DPRX: variants seen among roughly 807,000 people sequenced by gnomAD.
DPRX encodes the protein divergent-paired related homeobox, also known as divergent paired-related homeobox.
Under a neutral mutation model 8.4 loss-of-function variants are expected in DPRX, and 11 were observed. That is an observed-to-expected ratio of 1.31 (90% CI 0.82 to 2.17). The LOEUF is 2.17. DPRX is among the 30% of genes most tolerant of loss of function. The pLI, the probability that DPRX is intolerant of heterozygous loss-of-function variation, is 0.00. For missense variants in DPRX, 211 were observed against 236.7 expected (o/e 0.89, Z 0.71); for synonymous variants, 72 against 87.0 (o/e 0.83, Z 0.96).
At chr19:53,618,432 A>G in the DPRX span, among the ~76,000 whole-genome samples, 3,034 of 151,868 alleles carry the variant, frequency 0.02, 43 homozygotes, top group Non-Finnish European at 0.03. Flanking sequence ...GTATGAAAGG[A>G]ACAGAAATAA....
upstream of DPRX, chr19:53,629,784 A>C (rs912807305): frequency 6.6e-6 from 1 of 151,560 alleles, no homozygotes; most frequent in African/African-American, 2.4e-5. Context: ...GCTTGAACCC[A>C]GGAGTTCTAG....
chr19:53,603,212 C>T, the DPRX span: 26 of 408,986 alleles, frequency 6.4e-5, no homozygotes, highest in Non-Finnish European at 1.1e-4. Context: ...CCACTGTGCC[C>T]GGCCAAAAGT....
At chr19:53,606,862 G>A in the DPRX span, 1 of 152,704 alleles carries the variant, frequency 6.5e-6, no homozygotes, top group African/African-American at 2.4e-5. The surrounding 1 kb of genome is among the most constrained non-coding windows in gnomAD (Gnocchi z 4.8). Flanking sequence ...CTGAGAACAG[G>A]GTAGCCTTTA....
Position 53,636,903 on chromosome 19 carries a change from AC to A in DPRX, c.495del (p.Ile166PhefsTer?), listed in dbSNP as rs1377395181. 3.7e-6 allele frequency: 6 copies of A among 1,613,732 alleles called. No homozygotes were observed. Among genetic ancestry groups the A allele is most frequent in the Non-Finnish European group, 5.1e-6 (6 of 1,179,904 alleles). Reference sequence around the variant, plus strand: ...CGAGATCCTAATATATACTGCCTCTACCCCATTTTGGAATCCCAAGTTTGCG... The same window carrying A: ...CGAGATCCTAATATATACTGCCTCTACCCATTTTGGAATCCCAAGTTTGCG... On this transcript the variant is annotated frameshift_variant, in exon 3 of 3. Transcript: ENST00000376650. LOFTEE classifies it low-confidence loss of function (END_TRUNC).
the DPRX span, among the ~76,000 whole-genome samples, chr19:53,620,970 G>A: frequency 5.9e-5 from 9 of 152,112 alleles, no homozygotes; most frequent in Admixed American, 1.3e-4. Context: ...TGTATGGCAC[G>A]TGCATGAGGT....
the DPRX span, among the ~76,000 whole-genome samples, chr19:53,613,957 G>GTT: frequency 4.2e-5 from 6 of 142,466 alleles, no homozygotes; most frequent in Admixed American, 7.1e-5. Flanking sequence ...TATTTCCTTT[G>GTT]TTTTTTTTTT....
At chr19:53,617,866 G>A in the DPRX span, among the ~76,000 whole-genome samples, 7 of 151,964 alleles carry the variant, frequency 4.6e-5, no homozygotes, top group African/African-American at 1.2e-4. Flanking sequence ...CAAGCCAGGC[G>A]CGGTGGCTCA....
chr19:53,617,218 T>C, the DPRX span: 1 of 850,560 alleles, frequency 1.2e-6, no homozygotes, highest in Non-Finnish European at 2.1e-6. Context: ...GCTAGAGTAT[T>C]CGTGAGAATG....
upstream of DPRX, among the ~76,000 whole-genome samples, chr19:53,629,436 A>G (rs2122154223): frequency 6.6e-6 from 1 of 151,800 alleles, no homozygotes; most frequent in African/African-American, 2.4e-5. Flanking sequence ...TATATAATGT[A>G]ATTTTATTTT....
chr19:53,618,977 C>A, the DPRX span, among the ~76,000 whole-genome samples: 1 of 152,068 alleles, frequency 6.6e-6, no homozygotes, highest in Non-Finnish European at 1.5e-5. Flanking sequence ...CCACCGCGCC[C>A]AGCCAGTAGT....
At chr19:53,622,491 C>G in the DPRX span, among the ~76,000 whole-genome samples, 1 of 152,090 alleles carries the variant, frequency 6.6e-6, no homozygotes, top group Non-Finnish European at 1.5e-5. Context: ...TGATTCTACC[C>G]TCCCTTGGTG....
the DPRX span, among the ~76,000 whole-genome samples, chr19:53,609,907 C>T: frequency 1.3e-5 from 2 of 151,866 alleles, no homozygotes; most frequent in African/African-American, 4.8e-5. Context: ...ATTGCTTGAA[C>T]CCGGGAGGTG....
At chr19:53,633,995 C>G (rs948671628) in intron 1 of DPRX, among the ~76,000 whole-genome samples, 1 of 152,150 alleles carries the variant, frequency 6.6e-6, no homozygotes, top group African/African-American at 2.4e-5. Flanking sequence ...AAAGGAACAA[C>G]CTTTTCCTAT....
At chr19:53,631,042 T>C (rs1393004410), upstream of DPRX, among the ~76,000 whole-genome samples, 1 of 151,976 alleles carries the variant, frequency 6.6e-6, no homozygotes, top group Non-Finnish European at 1.5e-5. Context: ...AGATGGGGTT[T>C]CGCCATGTTG....
the DPRX span, chr19:53,606,265 C>A: frequency 6.6e-6 from 1 of 152,260 alleles, no homozygotes; most frequent in Non-Finnish European, 1.5e-5. The surrounding 1 kb of genome is among the most constrained non-coding windows in gnomAD (Gnocchi z 4.8). Flanking sequence ...AACGTGGCAC[C>A]CAGGAGGCTG....
the DPRX span, among the ~76,000 whole-genome samples, chr19:53,614,834 T>C: frequency 4.2e-4 from 64 of 151,850 alleles, no homozygotes; most frequent in Non-Finnish European, 4.4e-5. Context: ...TTAAGATCAT[T>C]TGTGGCCAGG....
At chr19:53,619,190 G>A in the DPRX span, among the ~76,000 whole-genome samples, 1 of 152,126 alleles carries the variant, frequency 6.6e-6, no homozygotes, top group Non-Finnish European at 1.5e-5. Context: ...CCTAAACCAA[G>A]AGGGAGGTAG....
chr19:53,634,038 A>T (rs563276959), intron 1 of DPRX, among the ~76,000 whole-genome samples: 1 of 152,322 alleles, frequency 6.6e-6, no homozygotes, highest in South Asian at 2.1e-4. Flanking sequence ...AAAAACAAGG[A>T]CAAAAGGCAG....
the DPRX span, chr19:53,605,985 C>T: frequency 6.6e-6 from 1 of 152,076 alleles, no homozygotes; most frequent in East Asian, 1.9e-4. Context: ...TCCTGTTAAA[C>T]TTTTTATTAA....
Sources: allele counts gnomAD v4.1 joint callset (sites outside exome capture counted in the v4.1 genomes callset), GRCh38; gene constraint gnomAD v4.1.1; non-coding constraint Gnocchi (gnomAD v3.1); transcripts MANE v1.5; gene names NCBI Gene and HGNC (gene_info 2026-07-23, HGNC 2026-07-21).